Variants in FAM168B observed in about 807,000 individuals in gnomAD.
FAM168B encodes myelin-associated neurite-outgrowth inhibitor.
FAM168B carries 19 observed loss-of-function variants against 21.8 expected under a neutral mutation model. That is an observed-to-expected ratio of 0.87 (90% CI 0.61 to 1.28). FAM168B has a LOEUF of 1.28. FAM168B is among the 50% of genes most tolerant of loss of function. FAM168B has a pLI of 0.00. For synonymous variants in FAM168B, 126 were observed against 104.8 expected (o/e 1.20, Z -1.24); for missense variants, 233 against 263.1 (o/e 0.89, Z 0.79).
chr2:131,067,871 T>G, intron 3 of FAM168B, among the ~76,000 whole-genome samples: 1 of 152,162 alleles, frequency 6.6e-6, no homozygotes, highest in East Asian at 1.9e-4. Flanking sequence ...AAAGGCTCAC[T>G]GAAAAGGGAG....
At chr2:131,073,388 T>G (rs891386356) in intron 2 of FAM168B, among the ~76,000 whole-genome samples, 1 of 152,192 alleles carries the variant, frequency 6.6e-6, no homozygotes, top group Non-Finnish European at 1.5e-5. Context: ...TTACCACGCC[T>G]TGCCATATTT....
In FAM168B at chr2:131,051,263, G is replaced by A. The variant is rs1691658325; in HGVS notation, c.*1202C>T. 6.1e-6 allele frequency: 6 copies of A among 985,156 alleles called. No individual in the cohort carries two copies. Among genetic ancestry groups the A allele is most frequent in the African/African-American group, 1.7e-5 (1 of 57,182 alleles). 61.0% of individuals were successfully genotyped at this position (985,156 alleles called of 1,614,324 possible). A position where few individuals can be genotyped will look rare whatever the true frequency, so the allele number is the denominator to read the frequency against. On this transcript the variant is annotated 3_prime_UTR_variant, in exon 7 of 7. Transcript: ENST00000389915. The stretch of plus-strand genomic sequence containing the variant: ...GACAAGTCACCACCATCAGGTGGGT[G>A]ATCCCAGAAGCAGCTACAGGTTTCT...
chr2:131,089,245 C>T (rs1218586761), intron 1 of FAM168B, among the ~76,000 whole-genome samples: 3 of 150,302 alleles, frequency 2.0e-5, no homozygotes, highest in Non-Finnish European at 4.4e-5. Flanking sequence ...GGATTACAGG[C>T]GTGAGCCACT....
In FAM168B at chr2:131,051,932, CCCTAACTGGCAA is replaced by C; in HGVS notation, c.*521_*532del. The C allele has an allele frequency of 1.0e-6, 1 of 985,508 alleles. No homozygotes were observed. Among genetic ancestry groups the C allele is most frequent in the Non-Finnish European group, 1.2e-6 (1 of 829,952 alleles). 61.0% of individuals were successfully genotyped at this position (985,508 alleles called of 1,614,324 possible). ...TCGCTGAAAACTAAAATGTCCACAT[CCCTAACTGGCAA>C]CCCACATCAACCCCAAAAGGTTGAA... On this transcript the variant is annotated 3_prime_UTR_variant, in exon 7 of 7. Transcript: ENST00000389915.
chr2:131,048,905 G>C lies in FAM168B; in HGVS notation c.*3560C>G, dbSNP rs1415522979. 5 of 985,968 alleles carry C rather than the reference G, an allele frequency of 5.1e-6. No homozygotes were observed. Among genetic ancestry groups the C allele is most frequent in the Non-Finnish European group, 6.0e-6 (5 of 830,076 alleles). The allele number at this position is 985,968 out of a possible 1,614,324, so 61.1% of individuals were successfully genotyped here. A position where few individuals can be genotyped will look rare whatever the true frequency, so the allele number is the denominator to read the frequency against. On this transcript the variant is annotated 3_prime_UTR_variant, in exon 7 of 7. Transcript: ENST00000389915. ...CTGTCCGGGCAACAGCCAAACTGGC[G>C]ACAATGGACACATCCAACAGTCAGC...
chr2:131,088,265 T>C (rs905136822), intron 1 of FAM168B, among the ~76,000 whole-genome samples: 16 of 151,594 alleles, frequency 1.1e-4, no homozygotes, highest in Non-Finnish European at 8.8e-5. Flanking sequence ...AAAAATCAAA[T>C]GGAGCCTTTA....
Position 131,050,569 on chromosome 2 carries a change from G to T in FAM168B, c.*1896C>A. 1 of 985,558 alleles carries T rather than the reference G, an allele frequency of 1.0e-6. No homozygotes were observed. The highest frequency in any genetic ancestry group is 1.2e-6 in the Non-Finnish European group (1 of 829,732). The allele number at this position is 985,558 out of a possible 1,614,324, so 61.1% of individuals were successfully genotyped here. ...AAGTACTTATCAGTAAACATTCTAT[G>T]TTAATAGACATCAGGAATAAAGAAT... On this transcript the variant is annotated 3_prime_UTR_variant, in exon 7 of 7. Coordinates refer to ENST00000389915, the MANE Select transcript of FAM168B (RefSeq NM_001009993.4).
intron 1 of FAM168B, among the ~76,000 whole-genome samples, chr2:131,083,519 C>A (rs1212403322): frequency 6.6e-6 from 1 of 152,172 alleles, no homozygotes; most frequent in African/African-American, 2.4e-5. Flanking sequence ...CCAACCTGGA[C>A]AACAGAGCGA....
chr2:131,086,020 A>G (rs1693678559), intron 1 of FAM168B, among the ~76,000 whole-genome samples: 1 of 152,176 alleles, frequency 6.6e-6, no homozygotes, highest in Admixed American at 6.6e-5. Context: ...GTAGGGAGGA[A>G]ACAAGTATAC....
At chr2:131,072,376 G>T (rs1259555403) in intron 2 of FAM168B, among the ~76,000 whole-genome samples, 1 of 151,774 alleles carries the variant, frequency 6.6e-6, no homozygotes, top group African/African-American at 2.4e-5. Flanking sequence ...CACCCGCCTC[G>T]GCCTCCCAAA....
chr2:131,057,752 T>C (rs187010386), intron 3 of FAM168B, among the ~76,000 whole-genome samples: 20 of 152,236 alleles, frequency 1.3e-4, no homozygotes, highest in Non-Finnish European at 2.5e-4. Flanking sequence ...CTCAGAAAAA[T>C]AGTAATAATA....
At chr2:131,069,005 G>A (rs2105512599) in intron 3 of FAM168B, among the ~76,000 whole-genome samples, 1 of 152,346 alleles carries the variant, frequency 6.6e-6, no homozygotes, top group South Asian at 2.1e-4. Context: ...GACAGAGCAA[G>A]ACCCTGTCTC....
At chr2:131,066,593 T>C (rs1474222958) in intron 3 of FAM168B, among the ~76,000 whole-genome samples, 4 of 152,228 alleles carry the variant, frequency 2.6e-5, no homozygotes, top group African/African-American at 4.8e-5. Flanking sequence ...TTACCAATAT[T>C]AGTTACAGGT....
At chr2:131,075,000 C>A (rs1023970449) in intron 2 of FAM168B, among the ~76,000 whole-genome samples, 10 of 152,164 alleles carry the variant, frequency 6.6e-5, no homozygotes, top group African/African-American at 2.4e-4. Context: ...CCCTCTACCT[C>A]AGCAGAAGCC....
In FAM168B at chr2:131,088,615, T is replaced by C. The variant is rs542001151; in HGVS notation, c.-12+4599A>G. ...TTATGTTTAATCCTGGTAACAGTACTGTGATTATGTATAGTTACATAAATT... is the reference window on the plus strand; with the variant it reads ...TTATGTTTAATCCTGGTAACAGTACCGTGATTATGTATAGTTACATAAATT... On this transcript the variant is annotated intron_variant, in intron 1 of 6. Coordinates refer to ENST00000389915, the MANE Select transcript of FAM168B (RefSeq NM_001009993.4). 3.3e-5 allele frequency among the ~76,000 whole-genome samples: 5 copies of C among 152,312 alleles called. No homozygotes were observed. The South Asian group carries it at 6.2e-4, about 19-fold the overall frequency.
At chr2:131,072,457 ATTTTAT>A (rs1558973720) in intron 2 of FAM168B, among the ~76,000 whole-genome samples, 23 of 149,194 alleles carry the variant, frequency 1.5e-4, no homozygotes. Context: ...ACAATTATAT[ATTTTAT>A]TTTTATTTAT....
At chr2:131,084,880 G>T (rs78345034) in intron 1 of FAM168B, among the ~76,000 whole-genome samples, 3,208 of 152,184 alleles carry the variant, frequency 0.021, 46 homozygotes, top group Non-Finnish European at 0.036. Flanking sequence ...GCATCGCCAC[G>T]TCTGGCTCAT....
intron 1 of FAM168B, among the ~76,000 whole-genome samples, chr2:131,085,321 C>T (rs968493900): frequency 1.3e-5 from 2 of 152,140 alleles, no homozygotes; most frequent in Non-Finnish European, 2.9e-5. Flanking sequence ...ACAAAATGTG[C>T]ATTTTATGTC....
At chr2:131,092,206 A>G (rs1439849591) in intron 1 of FAM168B, among the ~76,000 whole-genome samples, 2 of 152,078 alleles carry the variant, frequency 1.3e-5, no homozygotes, top group African/African-American at 2.4e-5. Flanking sequence ...CAACTTGGGT[A>G]TAATTTCCCT....
Sources: allele counts gnomAD v4.1 joint callset (sites outside exome capture counted in the v4.1 genomes callset), GRCh38; gene constraint gnomAD v4.1.1; transcripts MANE v1.5; gene names NCBI Gene and HGNC (gene_info 2026-07-23, HGNC 2026-07-21).